Variants in ZMIZ1 observed in about 807,000 individuals in gnomAD.
ZMIZ1 encodes the protein zinc finger MIZ domain-containing protein 1.
In ZMIZ1, 17 loss-of-function variants were observed where a neutral mutation model predicts 113.9. That is an observed-to-expected ratio of 0.15 (90% CI 0.10 to 0.22). The LOEUF (loss-of-function observed/expected upper bound fraction) is 0.22, where lower values mean the gene tolerates loss of function less well. Ranked by LOEUF, ZMIZ1 falls within the 10% of genes least tolerant of loss-of-function variation. The pLI is 1.00. For synonymous variants in ZMIZ1, 607 were observed against 603.1 expected (o/e 1.01, Z -0.09); for missense variants, 1,059 against 1,477.8 (o/e 0.72, Z 4.65).
rs1459492426 is a variant in ZMIZ1, at chr10:79,315,727, C to T, written c.*2978C>T. 3.9e-5 allele frequency: 6 copies of T among 152,926 alleles called. No homozygotes were observed. Among genetic ancestry groups the T allele is most frequent in the Admixed American group, 2.0e-4 (3 of 15,306 alleles). The allele number at this position is 152,926 out of a possible 1,614,324, so 9.5% of individuals were successfully genotyped here. On this transcript the variant is annotated 3_prime_UTR_variant, in exon 25 of 25. Coordinates refer to ENST00000334512, the MANE Select transcript of ZMIZ1 (RefSeq NM_020338.4). Reference sequence around the variant, plus strand: ...ACGGGCCTCGGGCCTGACCCGTCCACACAGGGCCGTGTCAACAGCAGCGAC... The same window carrying T: ...ACGGGCCTCGGGCCTGACCCGTCCATACAGGGCCGTGTCAACAGCAGCGAC...
chr10:79,087,641 C>A (rs1382186148), intron 1 of ZMIZ1, among the ~76,000 whole-genome samples: 1 of 152,240 alleles, frequency 6.6e-6, no homozygotes, highest in African/African-American at 2.4e-5. Context: ...TCACCTCTTC[C>A]ACTCTACTTA....
chr10:79,254,799 G>A (rs1422878134), intron 7 of ZMIZ1, among the ~76,000 whole-genome samples: 1 of 152,220 alleles, frequency 6.6e-6, no homozygotes, highest in African/African-American at 2.4e-5. Flanking sequence ...AGCCGACTGA[G>A]TGAGGGACCT....
chr10:79,101,562 C>T (rs1164176585), intron 1 of ZMIZ1, among the ~76,000 whole-genome samples: 1 of 152,144 alleles, frequency 6.6e-6, no homozygotes, highest in Non-Finnish European at 1.5e-5. Flanking sequence ...GTCTGGTGGC[C>T]TTGGTGTATC....
intron 3 of ZMIZ1, among the ~76,000 whole-genome samples, chr10:79,149,520 G>A (rs1214710327): frequency 6.6e-6 from 1 of 152,184 alleles, no homozygotes; most frequent in East Asian, 1.9e-4. Context: ...GGAGGCCATG[G>A]GTAGCCTTGC....
chr10:79,243,541 GCCGGACCCGC>G (rs1249179363), intron 7 of ZMIZ1: 1 of 146,604 alleles, frequency 6.8e-6, no homozygotes, highest in Non-Finnish European at 1.5e-5. Context: ...GCGAGCGGGC[GCCGGACCCGC>G]CCGGGCCCCC....
intron 3 of ZMIZ1, among the ~76,000 whole-genome samples, chr10:79,143,824 C>T (rs534776882): frequency 2.4e-4 from 36 of 152,154 alleles, no homozygotes; most frequent in African/African-American, 7.9e-4. Context: ...TGTGTCCAGG[C>T]GAAGGAGACT....
chr10:79,118,127 A>T lies in ZMIZ1; in HGVS notation c.-336-788A>T, dbSNP rs1844137304. ...GGAACCCTTTCCCTCTCAGGGCCTC[A>T]GTTTCCTCATTTGTAAAATGACAAG... On this transcript the variant is annotated intron_variant, in intron 1 of 24. Coordinates refer to ENST00000334512, the MANE Select transcript of ZMIZ1 (RefSeq NM_020338.4). The surrounding 1 kb of genome is among the most constrained non-coding windows in gnomAD (Gnocchi z 4.1). Among the ~76,000 whole-genome samples the T allele has an allele frequency of 6.6e-6, 1 of 152,208 alleles. No homozygotes were observed. Among genetic ancestry groups the T allele is most frequent in the African/African-American group, 2.4e-5 (1 of 41,450 alleles).
intron 1 of ZMIZ1, among the ~76,000 whole-genome samples, chr10:79,110,555 G>A (rs1226255452): frequency 6.6e-6 from 1 of 152,230 alleles, no homozygotes; most frequent in Non-Finnish European, 1.5e-5. Context: ...GAAGGAGGTA[G>A]TTGGTACTGA....
At chr10:79,128,955 G>A (rs1844634358) in intron 2 of ZMIZ1, among the ~76,000 whole-genome samples, 1 of 152,164 alleles carries the variant, frequency 6.6e-6, no homozygotes, top group Non-Finnish European at 1.5e-5. Flanking sequence ...GTTAAGTATT[G>A]TAAGGATTAG....
At chr10:79,132,425 A>G (rs996530487) in intron 2 of ZMIZ1, among the ~76,000 whole-genome samples, 3 of 152,224 alleles carry the variant, frequency 2.0e-5, no homozygotes, top group African/African-American at 7.2e-5. Flanking sequence ...TGCCTGCAGC[A>G]TACCACACAA....
chr10:79,165,948 C>CTGTGTGTGTGTGTGTG lies in ZMIZ1; in HGVS notation c.-50+3854_-50+3869dup, dbSNP rs1174980856. On this transcript the variant is annotated intron_variant, in intron 4 of 24. Coordinates refer to ENST00000334512, the MANE Select transcript of ZMIZ1 (RefSeq NM_020338.4). The stretch of plus-strand genomic sequence containing the variant: ...CCTTGGCCTCCAAGCCCCAGCTCAG[C>CTGTGTGTGTGTGTGTG]TGTGTGTGTGTGTGTGTGTGTGTGT... Among the ~76,000 whole-genome samples, 298 of 59,754 alleles carry CTGTGTGTGTGTGTGTG rather than the reference C, an allele frequency of 5.0e-3. 3 individuals are homozygous for CTGTGTGTGTGTGTGTG. The highest frequency in any genetic ancestry group is 0.013 in the East Asian group (30 of 2,376). The allele number at this position is 59,754 out of a possible 152,430, so 39.2% of individuals were successfully genotyped here.
intron 2 of ZMIZ1, among the ~76,000 whole-genome samples, chr10:79,136,743 A>G (rs1845026887): frequency 1.3e-5 from 2 of 152,270 alleles, no homozygotes. Context: ...ATTAATTTAC[A>G]TAAAGTGCTT....
At chr10:79,202,201 AAAAAAAAAAAAAAG>A (rs1011433050) in intron 5 of ZMIZ1, among the ~76,000 whole-genome samples, 5 of 144,048 alleles carry the variant, frequency 3.5e-5, no homozygotes, top group African/African-American at 1.0e-4. Context: ...AAAAAAAAAA[AAAAAAAAAAAAAAG>A]AAAGAAAGAA....
At chr10:79,203,076 G>T (rs1419421357) in intron 5 of ZMIZ1, among the ~76,000 whole-genome samples, 3 of 152,164 alleles carry the variant, frequency 2.0e-5, no homozygotes, top group African/African-American at 7.2e-5. Context: ...CCTGGCCTAG[G>T]CCAGCTTAGC....
intron 1 of ZMIZ1, among the ~76,000 whole-genome samples, chr10:79,072,243 G>A (rs543162668): frequency 1.3e-5 from 2 of 152,260 alleles, no homozygotes; most frequent in East Asian, 3.9e-4. Context: ...GGGGTTTGGC[G>A]ACAGAACCAG....
chr10:79,294,533 C>T (rs1295970676), intron 12 of ZMIZ1: 1 of 152,258 alleles, frequency 6.6e-6, no homozygotes, highest in African/African-American at 2.4e-5. Context: ...AGGCAGGCTT[C>T]CTGGAGGGTG....
At chr10:79,260,377 G>T (rs1170060918) in intron 7 of ZMIZ1, among the ~76,000 whole-genome samples, 1 of 152,206 alleles carries the variant, frequency 6.6e-6, no homozygotes, top group East Asian at 1.9e-4. Flanking sequence ...GGGAGTCGGT[G>T]GTGGGGAGGT....
rs1855282089 is a variant in ZMIZ1, at chr10:79,312,773, C to T, written c.*24C>T. On this transcript the variant is annotated 3_prime_UTR_variant, in exon 25 of 25. Transcript: ENST00000334512. The stretch of plus-strand genomic sequence containing the variant: ...GAGGGCCACCCGGTCGGGGCCATCC[C>T]TCCACACTCTGCATCCTACCCCACC... The T allele has an allele frequency of 5.0e-6, 8 of 1,605,172 alleles. No homozygotes were observed. The highest frequency in any genetic ancestry group is 6.0e-6 in the Non-Finnish European group (7 of 1,171,798).
In ZMIZ1 at chr10:79,306,611, C is replaced by T. The variant is rs140564220; in HGVS notation, c.2668+267C>T. On this transcript the variant is annotated intron_variant, in intron 22 of 24. Coordinates refer to ENST00000334512, the MANE Select transcript of ZMIZ1 (RefSeq NM_020338.4). Reference sequence around the variant, plus strand: ...CCGAGTTCTTGGCCTTACCCCTTGCCCTCCTGTATTTTTTCTGTGATATCT... The same window carrying T: ...CCGAGTTCTTGGCCTTACCCCTTGCTCTCCTGTATTTTTTCTGTGATATCT... Among the ~76,000 whole-genome samples the T allele has an allele frequency of 6.0e-3, 915 of 152,312 alleles. 10 individuals carry two copies. The highest frequency in any genetic ancestry group is 0.031 in the Middle Eastern group (9 of 294).
Sources: gnomAD v4.1 joint callset for allele counts (sites outside exome capture counted in the v4.1 genomes callset) on GRCh38, gnomAD v4.1.1 for gene constraint, Gnocchi (gnomAD v3.1) non-coding constraint, MANE v1.5 for transcripts, NCBI Gene and HGNC (gene_info 2026-07-23, HGNC 2026-07-21) for gene names.